IDH3B: variants seen among roughly 807,000 people sequenced by gnomAD.
IDH3B encodes the protein isocitrate dehydrogenase (NAD(+)) 3 non-catalytic subunit beta.
Under a neutral mutation model 47.5 loss-of-function variants are expected in IDH3B, and 40 were observed. The ratio of observed to expected loss-of-function variants is 0.84; its 90% CI spans 0.65 to 1.10. The LOEUF (loss-of-function observed/expected upper bound fraction) is 1.10, where lower values mean the gene tolerates loss of function less well. IDH3B is among the 50% of genes least tolerant of loss of function. The probability of loss-of-function intolerance (pLI) is 0.00; values close to 1 mark genes in which losing one functional copy is unlikely to be tolerated. For missense variants in IDH3B, 450 were observed against 505.2 expected, an observed-to-expected ratio of 0.89 and a Z score of 1.05; for synonymous variants, 185 against 191.0, an observed-to-expected ratio of 0.97 and a Z score of 0.26.
At chr20:2,663,244 C>A (rs1297165049) in intron 4 of IDH3B, among the ~76,000 whole-genome samples, 1 of 152,056 alleles carries the variant, frequency 6.6e-6, no homozygotes, top group Non-Finnish European at 1.5e-5. Context: ...AGACTCAGAA[C>A]CCCTGGAACT....
Position 2,658,404 on chromosome 20 carries a change from G to A in IDH3B, c.*347C>T, listed in dbSNP as rs1252455851. On this transcript the variant is annotated 3_prime_UTR_variant, in exon 12 of 12. Transcript: ENST00000380843. Reference sequence around the variant, plus strand: ...AACAAATTCACAAGAGTTGGTTCATGTTCTTTATTGAACACCTTACATGGG... The same window carrying A: ...AACAAATTCACAAGAGTTGGTTCATATTCTTTATTGAACACCTTACATGGG... 1.2e-6 allele frequency: 2 copies of A among 1,613,056 alleles called. No individual in the cohort carries two copies. The highest frequency in any genetic ancestry group is 3.3e-5 in the Admixed American group (2 of 59,894).
At position 2,660,445 on chromosome 20, in the gene IDH3B, C is replaced by T. The variant is rs1401361721; in HGVS notation, c.665+12G>A. 6.2e-6 allele frequency: 10 copies of T among 1,613,988 alleles called. No homozygotes were observed. Among genetic ancestry groups the T allele is most frequent in the Non-Finnish European group, 5.9e-6 (7 of 1,180,032 alleles). Reference sequence around the variant, plus strand: ...CCCAGGAACCCATCCTACACAAAGCCATGCCCCTCACATGATGTTGGCCTT... The same window carrying T: ...CCCAGGAACCCATCCTACACAAAGCTATGCCCCTCACATGATGTTGGCCTT... On this transcript the variant is annotated intron_variant, in intron 7 of 11. Transcript: ENST00000380843. This position sits in a 1 kb window ranked among gnomAD's most constrained non-coding sequence, Gnocchi z 5.6.
At position 2,660,804 on chromosome 20, in the gene IDH3B, C is replaced by T. The variant is rs368476078; in HGVS notation, c.424G>A (p.Val142Ile). 5.6e-6 allele frequency: 9 copies of T among 1,614,058 alleles called. No homozygotes were observed. In the African/African-American group the frequency reaches 8.0e-5, roughly 14 times the overall value. Residue 142 changes from valine (V) to isoleucine (I), a missense_variant, in exon 6 of 12, where the codon GTA (valine) becomes ATA (isoleucine). Transcript: ENST00000380843. The surrounding 1 kb of genome is among the most constrained non-coding windows in gnomAD (Gnocchi z 5.6). The stretch of plus-strand genomic sequence containing the variant: ...CCAGGAAGTGACTTCACATGGACTA[C>T]GTTGGCAAATAAGTCCAACTTACGC... ...LRRKLDLFAN[V>I]VHVKSLPGYM...
intron 11 of IDH3B, chr20:2,659,047 G>C (rs2086882424): frequency 6.9e-7 from 1 of 1,443,630 alleles, no homozygotes; most frequent in Non-Finnish European, 9.0e-7. Context: ...AGCCAGGGCA[G>C]GACAGGAGGC....
Position 2,659,170 on chromosome 20 carries a change from T to TG in IDH3B, c.1072-334dup, listed in dbSNP as rs1385011426. 11 of 1,183,020 alleles carry TG rather than the reference T, an allele frequency of 9.3e-6. No homozygotes were observed. The South Asian group carries it at 2.3e-4, about 25-fold the overall frequency. 73.3% of individuals were successfully genotyped at this position (1,183,020 alleles called of 1,614,324 possible). On this transcript the variant is annotated intron_variant, in intron 11 of 11. Coordinates refer to ENST00000380843, the MANE Select transcript of IDH3B (RefSeq NM_006899.5). The stretch of plus-strand genomic sequence containing the variant: ...GGAAAGAATCACAGCGAAAAGGAGA[T>TG]GGGGCGTGAAGGTGAAGCTGATGCT...
At position 2,658,819 on chromosome 20, in the gene IDH3B, C is replaced by T; in HGVS notation, c.1090G>A (p.Gly364Ser). The T allele has an allele frequency of 1.2e-6, 2 of 1,614,170 alleles. No homozygotes were observed. The highest frequency in any genetic ancestry group is 1.7e-6 in the Non-Finnish European group (2 of 1,180,042). The change falls in exon 12 of 12, where the codon GGC becomes AGC. Residue 364 changes from glycine to serine, a missense_variant. Gly to Ser is a moderately conservative substitution (Grantham distance 56). Transcript: ENST00000380843. ...KVGKVRTRDM[G>S]GYSTTTDFIK... ...AAGTCGGTTGTGGTGCTGTAGCCGCCCATGTCTCGAGTCCGCACCTACAGC... is the reference window on the plus strand; with the variant it reads ...AAGTCGGTTGTGGTGCTGTAGCCGCTCATGTCTCGAGTCCGCACCTACAGC...
rs753278957 is a variant in IDH3B at position 2,659,787 on chromosome 20, G to A, written c.922C>T (p.Arg308Trp). 1.7e-5 allele frequency: 27 copies of A among 1,609,860 alleles called. No homozygotes were observed. The highest frequency in any genetic ancestry group is 2.2e-5 in the East Asian group (1 of 44,864). The change falls in exon 10 of 12, where the codon CGG (arginine) becomes TGG (tryptophan). Residue 308 changes from arginine to tryptophan, a missense_variant. Transcript: ENST00000380843. ...AEYAVFETGARHPFAQAVGRN... is the reference protein window; with the variant it reads ...AEYAVFETGAWHPFAQAVGRN... Reference sequence around the variant, plus strand: ...CCCACTGCCTGGGCAAATGGGTGCCGGGCACCCTGTGGAGAGAGGGGCAGG... The same window carrying A: ...CCCACTGCCTGGGCAAATGGGTGCCAGGCACCCTGTGGAGAGAGGGGCAGG...
intron 11 of IDH3B, chr20:2,659,215 T>C: frequency 7.1e-7 from 1 of 1,405,796 alleles, no homozygotes. Context: ...CTGTATCCCT[T>C]GCTGTTCCAC....
chr20:2,664,006 C>T lies in IDH3B; in HGVS notation c.37-1G>A, dbSNP rs751526607. 60 of 1,614,030 alleles carry T rather than the reference C, an allele frequency of 3.7e-5. No individual in the cohort carries two copies. Among genetic ancestry groups the T allele is most frequent in the Non-Finnish European group, 4.9e-5 (58 of 1,180,036 alleles). On this transcript the variant is annotated splice_acceptor_variant, in intron 1 of 11. Transcript: ENST00000380843. LOFTEE classifies it high-confidence loss of function. ...CAGGGTTCCCGGCGGAGACCAGCGCCTGCAACAGGGACACACAAGCCTGTA... is the reference window on the plus strand; with the variant it reads ...CAGGGTTCCCGGCGGAGACCAGCGCTTGCAACAGGGACACACAAGCCTGTA...
chr20:2,660,417 C>T lies in IDH3B; in HGVS notation c.665+40G>A. The T allele has an allele frequency of 6.2e-7, 1 of 1,614,096 alleles. No homozygotes were observed. The highest frequency in any genetic ancestry group is 8.5e-7 in the Non-Finnish European group (1 of 1,180,018). On this transcript the variant is annotated intron_variant, in intron 7 of 11. Transcript: ENST00000380843. This position sits in a 1 kb window ranked among gnomAD's most constrained non-coding sequence, Gnocchi z 5.6. ...TCAGCCAAGAAAGTACAGGGGCTAC[C>T]TTCCCAGGAACCCATCCTACACAAA... is the stretch of plus-strand genomic sequence containing the variant.
chr20:2,660,676 C>G lies in IDH3B; in HGVS notation c.531+21G>C. The G allele has an allele frequency of 6.2e-7, 1 of 1,614,176 alleles. No homozygotes were observed. Among genetic ancestry groups the G allele is most frequent in the Non-Finnish European group, 8.5e-7 (1 of 1,180,036 alleles). ...CTCTCCCATCTTCATCCTTGCCCTC[C>G]CCCAGTTTCTGGGGCCTCACCTCAT... On this transcript the variant is annotated intron_variant, in intron 6 of 11. Transcript: ENST00000380843. This position sits in a 1 kb window ranked among gnomAD's most constrained non-coding sequence, Gnocchi z 5.6.
intron 4 of IDH3B, among the ~76,000 whole-genome samples, chr20:2,661,382 G>C (rs2086945795): frequency 6.6e-6 from 1 of 152,136 alleles, no homozygotes; most frequent in South Asian, 2.1e-4. Flanking sequence ...ATTTTTAGTA[G>C]AGGCAGTGTC....
intron 4 of IDH3B, 145 bp downstream of exon 4, chr20:2,663,301 A>G (rs758207141): frequency 1.8e-4 from 187 of 1,028,486 alleles, no homozygotes; most frequent in Non-Finnish European, 2.6e-4. Flanking sequence ...TGGGCTCCCA[A>G]TGGGAAGGAA....
Position 2,660,505 on chromosome 20 carries a change from G to A in IDH3B, c.617C>T (p.Thr206Ile). 2 of 1,614,162 alleles carry A rather than the reference G, an allele frequency of 1.2e-6. No homozygotes were observed. The highest frequency in any genetic ancestry group is 1.6e-4 in the Middle Eastern group (1 of 6,062). ...AGTGACCTTGCCCCGCCCCTTCTTG[G>A]TGGCATAGTCAAAGGCGAACTTTGC... ...RIAKFAFDYA[T>I]KKGRGKVTAV... is the part of the protein sequence containing the mutation. Residue 206 changes from threonine (T) to isoleucine (I), a missense_variant, in exon 7 of 12, where the codon ACC becomes ATC. Physicochemically the swap from Thr to Ile is moderately conservative, Grantham distance 89. Transcript: ENST00000380843. This position sits in a 1 kb window ranked among gnomAD's most constrained non-coding sequence, Gnocchi z 5.6.
At position 2,658,714 on chromosome 20, in the gene IDH3B, AGTGTGGTCCTTGCAAGG is replaced by A. The variant is rs777653883; in HGVS notation, c.*20_*36del. The A allele has an allele frequency of 1.9e-6, 3 of 1,614,028 alleles. No homozygotes were observed. Among genetic ancestry groups the A allele is most frequent in the Non-Finnish European group, 2.5e-6 (3 of 1,180,004 alleles). On this transcript the variant is annotated 3_prime_UTR_variant, in exon 12 of 12. Transcript: ENST00000380843. ...GTACACTGCACTGAAGGGTATGGGGAGTGTGGTCCTTGCAAGGTTGGAAGAAATAAAGGGCTCTAGCT... is the reference window on the plus strand; with the variant it reads ...GTACACTGCACTGAAGGGTATGGGGATTGGAAGAAATAAAGGGCTCTAGCT...
At chr20:2,659,338 A>T in intron 11 of IDH3B, 187 bp downstream of exon 11, 1 of 1,562,954 alleles carries the variant, frequency 6.4e-7, no homozygotes, top group Non-Finnish European at 8.6e-7. Flanking sequence ...GATCAAGAGG[A>T]TGAAACAGCC....
chr20:2,659,136 C>T, intron 11 of IDH3B: 1 of 1,229,700 alleles, frequency 8.1e-7, no homozygotes, highest in East Asian at 3.8e-5. Context: ...GAGACAAGAC[C>T]AGGTGGAAGG....
intron 11 of IDH3B, chr20:2,659,086 G>C (rs533491166): frequency 6.9e-7 from 1 of 1,439,242 alleles, no homozygotes; most frequent in East Asian, 2.5e-5. Context: ...GGGAAACGCA[G>C]ATCAGAGGCA....
In IDH3B at chr20:2,663,936, A is replaced by ATGCAGCG; in HGVS notation, c.99_105dup (p.Ser36ArgfsTer29). 4 of 1,614,096 alleles carry ATGCAGCG rather than the reference A, an allele frequency of 2.5e-6. No homozygotes were observed. The highest frequency in any genetic ancestry group is 3.4e-6 in the Non-Finnish European group (4 of 1,180,000). On this transcript the variant is annotated frameshift_variant, in exon 2 of 12. Transcript: ENST00000380843. LOFTEE classifies it high-confidence loss of function. ...AGATTCGTGCATACCTGGCTCCGCG[A>ATGCAGCG]TGCAGCGTGCGCCGCGGCCGAGGTA...
Sources: gnomAD v4.1 joint callset for allele counts (sites outside exome capture counted in the v4.1 genomes callset) on GRCh38, gnomAD v4.1.1 for gene constraint, Gnocchi (gnomAD v3.1) non-coding constraint, MANE v1.5 for transcripts, NCBI Gene and HGNC (gene_info 2026-07-23, HGNC 2026-07-21) for gene names.